Variants in SYT9 observed in about 807,000 individuals in gnomAD.
The protein encoded by SYT9 is synaptotagmin-9.
Under a neutral mutation model 48.4 loss-of-function variants are expected in SYT9, and 22 were observed. That is an observed-to-expected ratio of 0.45 (90% CI 0.32 to 0.65). The LOEUF (loss-of-function observed/expected upper bound fraction) is 0.65. SYT9 is among the 30% of genes least tolerant of loss of function. The pLI is 0.03. For synonymous variants in SYT9, 265 were observed against 245.0 expected, an observed-to-expected ratio of 1.08 and a Z score of -0.76; for missense variants, 577 against 622.0, an observed-to-expected ratio of 0.93 and a Z score of 0.77.
chr11:7,313,976 G>T (rs1386103723), intron 3 of SYT9, 35 bp downstream of exon 3: 1 of 1,583,094 alleles, frequency 6.3e-7, no homozygotes, highest in African/African-American at 1.3e-5. Flanking sequence ...TGTGGTGGGG[G>T]GCATCTTGGT....
intron 3 of SYT9, among the ~76,000 whole-genome samples, chr11:7,357,903 A>G (rs56993607): frequency 0.092 from 7,096 of 76,770 alleles, 566 homozygotes; most frequent in African/African-American, 0.2. Context: ...CTATAGACAT[A>G]ATTTATTTCT....
intron 6 of SYT9, chr11:7,438,993 A>C (rs1847770991): frequency 6.6e-6 from 1 of 152,252 alleles, no homozygotes; most frequent in Admixed American, 6.5e-5. Context: ...AAAGCTCTAA[A>C]GGACCCAAAG....
chr11:7,264,416 C>T (rs564444392), intron 1 of SYT9, among the ~76,000 whole-genome samples: 16 of 151,804 alleles, frequency 1.1e-4, no homozygotes, highest in African/African-American at 1.9e-4. Flanking sequence ...GTGTTTAAGC[C>T]GGGGTTGTGT....
At chr11:7,460,515 A>G (rs1304850058) in intron 6 of SYT9, among the ~76,000 whole-genome samples, 2 of 152,128 alleles carry the variant, frequency 1.3e-5, no homozygotes, top group Non-Finnish European at 2.9e-5. Context: ...ATTGTTCTCA[A>G]TCATGTAACT....
At chr11:7,339,185 C>T (rs1291516978) in intron 3 of SYT9, among the ~76,000 whole-genome samples, 3 of 151,658 alleles carry the variant, frequency 2.0e-5, no homozygotes, top group Non-Finnish European at 2.9e-5. Flanking sequence ...CTGCTTTTTT[C>T]TGATTTCCAT....
intron 6 of SYT9, among the ~76,000 whole-genome samples, chr11:7,451,753 A>G (rs1848057023): frequency 6.6e-6 from 1 of 152,206 alleles, no homozygotes; most frequent in Non-Finnish European, 1.5e-5. Flanking sequence ...GTTGGCTGCT[A>G]TCTCACCATC....
chr11:7,466,936 C>T lies in SYT9; in HGVS notation c.*136C>T. The T allele has an allele frequency of 1.2e-5, 13 of 1,115,640 alleles. No homozygotes were observed. The highest frequency in any genetic ancestry group is 1.7e-5 in the Non-Finnish European group (13 of 758,324). The allele number at this position is 1,115,640 out of a possible 1,614,324, so 69.1% of individuals were successfully genotyped here. A position where few individuals can be genotyped will look rare whatever the true frequency, so the allele number is the denominator to read the frequency against. On this transcript the variant is annotated 3_prime_UTR_variant, in exon 7 of 7. Coordinates refer to ENST00000318881, the MANE Select transcript of SYT9 (RefSeq NM_175733.4). Reference sequence around the variant, plus strand: ...TGCTCAGCTGTAACCACAGCACTAACTGGCCTTCTTTCCAGATTGGGTTTG... The same window carrying T: ...TGCTCAGCTGTAACCACAGCACTAATTGGCCTTCTTTCCAGATTGGGTTTG...
In SYT9 at chr11:7,369,005, G is replaced by T. The variant is rs569107361; in HGVS notation, c.1045-47037G>T. Among the ~76,000 whole-genome samples the T allele has an allele frequency of 3.3e-5, 5 of 152,230 alleles. No homozygotes were observed. The South Asian group carries it at 1.0e-3, about 32-fold the overall frequency. On this transcript the variant is annotated intron_variant, in intron 3 of 6. Transcript: ENST00000318881. ...TCCTTTGGGTATATATCCAGTAATGGGATTGCAAGATCAAATGGTATTTGT... is the reference window on the plus strand; with the variant it reads ...TCCTTTGGGTATATATCCAGTAATGTGATTGCAAGATCAAATGGTATTTGT...
chr11:7,443,531 G>A (rs560247617), intron 6 of SYT9, among the ~76,000 whole-genome samples: 2 of 152,314 alleles, frequency 1.3e-5, no homozygotes, highest in East Asian at 1.9e-4. Flanking sequence ...CAGCAGACAA[G>A]GCTCCTGGGA....
In SYT9 at chr11:7,252,956, G is replaced by C. The variant is rs1847902089; in HGVS notation, c.145+625G>C. On this transcript the variant is annotated intron_variant, in intron 1 of 6. Transcript: ENST00000318881. This position sits in a 1 kb window ranked among gnomAD's most constrained non-coding sequence, Gnocchi z 6.3. ...GAGGTGGCCTGGGCCTGGGCGCTAG[G>C]CTCGACCAGCGACTACCGCCGGCCA... 6.6e-6 allele frequency among the ~76,000 whole-genome samples: 1 copy of C among 152,230 alleles called. No homozygotes were observed.
intron 1 of SYT9, among the ~76,000 whole-genome samples, chr11:7,261,575 A>G (rs146437515): frequency 7.2e-4 from 109 of 152,322 alleles, no homozygotes; most frequent in African/African-American, 2.5e-3. Context: ...GTTAGATAGT[A>G]GTAAGTGCTA....
chr11:7,255,371 C>T lies in SYT9; in HGVS notation c.145+3040C>T, dbSNP rs556252880. ...TTAGAGAGGGTGGATCATGCAGAGT[C>T]TTGTAAACCATTATAAAGACTTTGG... On this transcript the variant is annotated intron_variant, in intron 1 of 6. Transcript: ENST00000318881. Among the ~76,000 whole-genome samples the T allele has an allele frequency of 6.4e-5, 7 of 110,012 alleles. No homozygotes were observed. The South Asian group carries it at 2.0e-3, about 31-fold the overall frequency. 72.2% of individuals were successfully genotyped at this position (110,012 alleles called of 152,430 possible). A position where few individuals can be genotyped will look rare whatever the true frequency, so the allele number is the denominator to read the frequency against.
At chr11:7,255,464 G>C (rs1279959820) in intron 1 of SYT9, among the ~76,000 whole-genome samples, 1 of 152,214 alleles carries the variant, frequency 6.6e-6, no homozygotes, top group Non-Finnish European at 1.5e-5. Flanking sequence ...CACTTTGACT[G>C]CTATGTTGAA....
intron 3 of SYT9, among the ~76,000 whole-genome samples, chr11:7,354,142 A>G (rs546739777): frequency 7.9e-5 from 12 of 152,130 alleles, no homozygotes; most frequent in Non-Finnish European, 1.2e-4. Context: ...ACTTTATTTT[A>G]TTTTTAAAAT....
At chr11:7,361,061 A>G (rs1850125948) in intron 3 of SYT9, among the ~76,000 whole-genome samples, 2 of 152,044 alleles carry the variant, frequency 1.3e-5, no homozygotes, top group African/African-American at 4.8e-5. Context: ...CATTTCTAAC[A>G]TTTTTTATCT....
intron 3 of SYT9, among the ~76,000 whole-genome samples, chr11:7,410,710 C>T (rs1377297128): frequency 1.3e-5 from 2 of 152,072 alleles, no homozygotes; most frequent in Non-Finnish European, 2.9e-5. Flanking sequence ...AATTTTTTTG[C>T]ATCCCTTTAC....
chr11:7,295,531 C>G (rs1848785082), intron 1 of SYT9, among the ~76,000 whole-genome samples: 1 of 152,212 alleles, frequency 6.6e-6, no homozygotes, highest in South Asian at 2.1e-4. Flanking sequence ...GAGGCTTTCT[C>G]TACAGCTCTC....
chr11:7,453,955 A>C (rs1848104466), intron 6 of SYT9: 1 of 981,658 alleles, frequency 1.0e-6, no homozygotes, highest in African/African-American at 1.7e-5. Flanking sequence ...CCTTAAGCCC[A>C]GTCTCCTTCA....
chr11:7,245,156 G>C (rs1847778073), intron 1 of SYT9, among the ~76,000 whole-genome samples: 1 of 152,188 alleles, frequency 6.6e-6, no homozygotes. Flanking sequence ...TTGAATGCTG[G>C]CTGTCTCCAA....
Sources: allele counts gnomAD v4.1 joint callset (sites outside exome capture counted in the v4.1 genomes callset), GRCh38; gene constraint gnomAD v4.1.1; non-coding constraint Gnocchi (gnomAD v3.1); transcripts MANE v1.5; gene names NCBI Gene and HGNC (gene_info 2026-07-23, HGNC 2026-07-21).